The following MXI1 variants were observed in gnomAD, a reference collection of about 807,000 sequenced individuals.
MXI1 encodes the protein max-interacting protein 1.
In MXI1, 18 loss-of-function variants were observed where a neutral mutation model predicts 36.9. The ratio of observed to expected loss-of-function variants is 0.49; its 90% CI spans 0.34 to 0.72. MXI1 has a LOEUF of 0.72. MXI1 is among the 30% of genes least tolerant of loss of function. The pLI is 0.01. For synonymous variants in MXI1, 160 were observed against 146.7 expected (o/e 1.09, Z -0.65); for missense variants, 304 against 379.1 (o/e 0.80, Z 1.64).
In MXI1 at chr10:110,254,298, T is replaced by G. The variant is rs77976072; in HGVS notation, c.437+9441T>G. ...CTTTGATGTTATTATTGTAATTGTT[T>G]TAGGGTGTCACAAACCATGCCCATA... On this transcript the variant is annotated intron_variant, in intron 3 of 5. Transcript: ENST00000332674. 3.3e-3 allele frequency among the ~76,000 whole-genome samples: 505 copies of G among 152,240 alleles called. 7 individuals are homozygous for G. Among genetic ancestry groups the G allele is most frequent in the East Asian group, 0.027 (141 of 5,182 alleles).
At chr10:110,213,897 A>G (rs1370948818) in intron 1 of MXI1, among the ~76,000 whole-genome samples, 1 of 152,264 alleles carries the variant, frequency 6.6e-6, no homozygotes, top group Non-Finnish European at 1.5e-5. Context: ...GTATGGCATA[A>G]TATCAATAAT....
chr10:110,223,806 T>G (rs1185027545), intron 1 of MXI1, among the ~76,000 whole-genome samples: 1 of 151,314 alleles, frequency 6.6e-6, no homozygotes, highest in Non-Finnish European at 1.5e-5. Context: ...GAACAGTCCC[T>G]TTTTGAAAGC....
At chr10:110,243,444 A>G (rs1467876161) in intron 2 of MXI1, among the ~76,000 whole-genome samples, 1 of 152,126 alleles carries the variant, frequency 6.6e-6, no homozygotes, top group Non-Finnish European at 1.5e-5. Flanking sequence ...CAGTGGGTAA[A>G]AGTTACACAA....
intron 3 of MXI1, among the ~76,000 whole-genome samples, chr10:110,264,815 C>G (rs973813648): frequency 5.9e-5 from 9 of 152,060 alleles, no homozygotes; most frequent in African/African-American, 2.2e-4. Flanking sequence ...TAATAAAATT[C>G]CATTCATTTA....
At chr10:110,213,041 G>A (rs180680496) in intron 1 of MXI1, among the ~76,000 whole-genome samples, 34 of 152,318 alleles carry the variant, frequency 2.2e-4, no homozygotes, top group African/African-American at 7.5e-4. Flanking sequence ...ATGGCACGAG[G>A]ATCAGGTTTG....
chr10:110,218,601 CA>C (rs1854717592), intron 1 of MXI1, among the ~76,000 whole-genome samples: 1 of 152,108 alleles, frequency 6.6e-6, no homozygotes, highest in Non-Finnish European at 1.5e-5. Context: ...TGGGTGTTGA[CA>C]GTGGAGCCAA....
intron 3 of MXI1, among the ~76,000 whole-genome samples, chr10:110,260,432 TG>T (rs1856470739): frequency 6.6e-6 from 1 of 150,518 alleles, no homozygotes; most frequent in Admixed American, 6.6e-5. Flanking sequence ...TGTGTGTGTG[TG>T]TGTGTGTGTG....
rs149099301 is a variant in MXI1 at position 110,214,503 on chromosome 10, T to G, written c.274+6421T>G. Among the ~76,000 whole-genome samples the G allele has an allele frequency of 2.6e-3, 401 of 152,014 alleles. 3 individuals are homozygous for G. Among genetic ancestry groups the G allele is most frequent in the Middle Eastern group, 0.01 (3 of 294 alleles). On this transcript the variant is annotated intron_variant, in intron 1 of 5. Coordinates refer to ENST00000332674, the MANE Select transcript of MXI1 (RefSeq NM_130439.3). ...CTATGGTACTGGGGCCAACAGCAGG[T>G]TCATCAAAAGCCGGGTCTTTTGCCT... is the stretch of plus-strand genomic sequence containing the variant.
intron 3 of MXI1, among the ~76,000 whole-genome samples, chr10:110,260,332 T>C (rs1309496874): frequency 1.3e-5 from 2 of 152,056 alleles, no homozygotes; most frequent in Non-Finnish European, 2.9e-5. Flanking sequence ...TGTACAGTTT[T>C]GTGAATTTTT....
At chr10:110,243,988 G>A (rs902428608) in intron 2 of MXI1, among the ~76,000 whole-genome samples, 2 of 151,986 alleles carry the variant, frequency 1.3e-5, no homozygotes, top group Non-Finnish European at 1.5e-5. Flanking sequence ...AATCATGGCT[G>A]CCACTTTATA....
rs1857438475 is a variant in MXI1, at chr10:110,287,042, GC to G, written c.*2056del. 6.6e-6 allele frequency: 1 copy of G among 152,196 alleles called. No individual in the cohort carries two copies. Among genetic ancestry groups the G allele is most frequent in the South Asian group, 2.1e-4 (1 of 4,834 alleles). The allele number at this position is 152,196 out of a possible 1,614,324, so 9.4% of individuals were successfully genotyped here. ...AAGTGTGAGACAGTTTGAAGACTGT[GC>G]TACCATACAAAGTGAATGAAGCCAG... On this transcript the variant is annotated 3_prime_UTR_variant, in exon 6 of 6. Coordinates refer to ENST00000332674, the MANE Select transcript of MXI1 (RefSeq NM_130439.3).
intron 1 of MXI1, among the ~76,000 whole-genome samples, chr10:110,218,405 A>C (rs1352704744): frequency 2.6e-5 from 4 of 151,174 alleles, no homozygotes; most frequent in Non-Finnish European, 5.9e-5. Context: ...AGCCGAGATC[A>C]CACCACTGCA....
intron 3 of MXI1, among the ~76,000 whole-genome samples, chr10:110,275,163 C>T (rs537021077): frequency 1.3e-5 from 2 of 152,252 alleles, no homozygotes; most frequent in Non-Finnish European, 2.9e-5. Flanking sequence ...GCATGAGCTA[C>T]CGCACCCAGC....
chr10:110,215,048 T>TG (rs1450829753), intron 1 of MXI1, among the ~76,000 whole-genome samples: 1 of 141,390 alleles, frequency 7.1e-6, no homozygotes, highest in East Asian at 2.2e-4. Context: ...TTTTTGTTTT[T>TG]TTTTTTTTTT....
In MXI1 at chr10:110,286,499, A is replaced by AG. The variant is rs1241246127; in HGVS notation, c.*1512_*1513insG. 1.3e-5 allele frequency: 2 copies of AG among 152,274 alleles called. No homozygotes were observed. Among genetic ancestry groups the AG allele is most frequent in the African/African-American group, 2.4e-5 (1 of 41,290 alleles). The allele number at this position is 152,274 out of a possible 1,614,324, so 9.4% of individuals were successfully genotyped here. On this transcript the variant is annotated 3_prime_UTR_variant, in exon 6 of 6. Coordinates refer to ENST00000332674, the MANE Select transcript of MXI1 (RefSeq NM_130439.3). ...TAACTACCCTTAATTACTTAAAAAA[A>AG]AAAAAAAGCTTTATGATTTTCATAA...
At chr10:110,261,267 T>G (rs1347664580) in intron 3 of MXI1, 1 of 501,382 alleles carries the variant, frequency 2.0e-6, no homozygotes, top group Non-Finnish European at 2.6e-6. Flanking sequence ...TGTCTACTGT[T>G]TATTTTTTTT....
intron 1 of MXI1, among the ~76,000 whole-genome samples, chr10:110,214,618 C>A (rs1227035815): frequency 4.0e-5 from 6 of 151,320 alleles, no homozygotes; most frequent in Non-Finnish European, 7.4e-5. Flanking sequence ...GATCCCCCTG[C>A]CTCCCTACCC....
chr10:110,231,539 C>G (rs1855261329), intron 2 of MXI1, among the ~76,000 whole-genome samples: 6 of 151,706 alleles, frequency 4.0e-5, no homozygotes, highest in Admixed American at 3.9e-4. Context: ...TTGCAAATAC[C>G]AGTAATTTTA....
At chr10:110,269,966 CA>C (rs1856803397) in intron 3 of MXI1, among the ~76,000 whole-genome samples, 1 of 152,036 alleles carries the variant, frequency 6.6e-6, no homozygotes, top group African/African-American at 2.4e-5. Context: ...GTTAATAAGG[CA>C]AAAATCTTTA....
Sources: gnomAD v4.1 joint callset for allele counts (sites outside exome capture counted in the v4.1 genomes callset) on GRCh38, gnomAD v4.1.1 for gene constraint, MANE v1.5 for transcripts, NCBI Gene and HGNC (gene_info 2026-07-23, HGNC 2026-07-21) for gene names.